Variants in DARS1 observed in about 807,000 individuals in gnomAD.
DARS1 encodes aspartyl-tRNA synthetase 1.
A neutral mutation model predicts 68.8 loss-of-function variants in DARS1; 51 were observed. The observed-to-expected ratio is 0.74, with a 90% confidence interval of 0.59 to 0.94. The LOEUF (loss-of-function observed/expected upper bound fraction) is 0.94, where lower values mean the gene tolerates loss of function less well. DARS1 is among the 40% of genes least tolerant of loss of function. The pLI, the probability that DARS1 is intolerant of heterozygous loss-of-function variation, is 0.00. For synonymous variants in DARS1, 203 were observed against 190.4 expected, an observed-to-expected ratio of 1.07 and a Z score of -0.55; for missense variants, 607 against 597.3, an observed-to-expected ratio of 1.02 and a Z score of -0.17.
chr2:135,908,480 A>T (rs1055038232), intron 15 of DARS1, among the ~76,000 whole-genome samples: 1 of 152,236 alleles, frequency 6.6e-6, no homozygotes, highest in African/African-American at 2.4e-5. Context: ...ATCTGTGAGG[A>T]ATCGCCATAC....
chr2:135,985,191 A>G lies in DARS1; in HGVS notation c.66+212T>C, dbSNP rs78130363. 898 of 737,484 alleles carry G rather than the reference A, an allele frequency of 1.2e-3. 16 individuals carry two copies. In the East Asian group the frequency reaches 0.025, roughly 21 times the overall value. 45.7% of individuals were successfully genotyped at this position (737,484 alleles called of 1,614,324 possible). A position where few individuals can be genotyped will look rare whatever the true frequency, so the allele number is the denominator to read the frequency against. On this transcript the variant is annotated intron_variant, in intron 1 of 15. Coordinates refer to ENST00000264161, the MANE Select transcript of DARS1 (RefSeq NM_001349.4). ...CCCGGGGACACGCTTCTAGTAGGCC[A>G]AACTCCCAGGTGACCCCCGCAAGAA...
At chr2:135,943,304 T>C in intron 5 of DARS1, 74 bp downstream of exon 5, 3 of 1,547,772 alleles carry the variant, frequency 1.9e-6, no homozygotes, top group South Asian at 1.2e-5. Context: ...AGTAAGAACA[T>C]ATAAATTTGA....
At chr2:135,955,579 G>A (rs938208871) in intron 4 of DARS1, among the ~76,000 whole-genome samples, 7 of 145,814 alleles carry the variant, frequency 4.8e-5, no homozygotes, top group Non-Finnish European at 8.9e-5. Flanking sequence ...AAGAAACCAC[G>A]TATTTGCTAA....
chr2:135,907,238 C>A lies in DARS1; in HGVS notation c.*78G>T. On this transcript the variant is annotated 3_prime_UTR_variant, in exon 16 of 16. Transcript: ENST00000264161. ...AGGTTACTGAAAAGAATAAGTGTGG[C>A]TTTCTTTTTTTTTTTTTTTTTTTGA... The A allele has an allele frequency of 1.4e-6, 1 of 724,936 alleles. No homozygotes were observed. 44.9% of individuals were successfully genotyped at this position (724,936 alleles called of 1,614,324 possible). A position where few individuals can be genotyped will look rare whatever the true frequency, so the allele number is the denominator to read the frequency against.
rs186890677 is a variant in DARS1, at chr2:135,944,176, T to G, written c.321-696A>C. Among the ~76,000 whole-genome samples, 3 of 152,280 alleles carry G rather than the reference T, an allele frequency of 2.0e-5. No individual in the cohort carries two copies. In the East Asian group the frequency reaches 5.8e-4, roughly 29 times the overall value. On this transcript the variant is annotated intron_variant, in intron 4 of 15. Coordinates refer to ENST00000264161, the MANE Select transcript of DARS1 (RefSeq NM_001349.4). ...ATACAAAATTTATAAAGTAGCTTAT[T>G]AAACACAATGATTATTTTTTTAATC...
chr2:135,945,714 C>A (rs1045096780), intron 4 of DARS1, among the ~76,000 whole-genome samples: 1 of 152,134 alleles, frequency 6.6e-6, no homozygotes, highest in Non-Finnish European at 1.5e-5. Flanking sequence ...GTTTCCAGGA[C>A]GAAACAACTT....
At chr2:135,923,478 C>T (rs899867558) in intron 8 of DARS1, among the ~76,000 whole-genome samples, 7 of 152,008 alleles carry the variant, frequency 4.6e-5, no homozygotes, top group Non-Finnish European at 5.9e-5. Flanking sequence ...TTAGTACAGA[C>T]GGGGTTTCAT....
intron 10 of DARS1, among the ~76,000 whole-genome samples, chr2:135,917,605 T>C (rs1681032942): frequency 6.6e-6 from 1 of 151,940 alleles, no homozygotes; most frequent in African/African-American, 2.4e-5. Context: ...GCCTCCTGAG[T>C]AGCTGGGACT....
intron 3 of DARS1, among the ~76,000 whole-genome samples, chr2:135,968,234 A>G (rs1456657171): frequency 1.3e-5 from 2 of 152,208 alleles, no homozygotes; most frequent in East Asian, 3.8e-4. Context: ...ACTGCACTCC[A>G]GCCTGGGCAA....
intron 4 of DARS1, among the ~76,000 whole-genome samples, chr2:135,953,216 C>T (rs1681882416): frequency 6.6e-6 from 1 of 152,222 alleles, no homozygotes; most frequent in African/African-American, 2.4e-5. Flanking sequence ...AAGATCTCTT[C>T]TCCCTTGCTG....
rs1467529104 is a variant in DARS1 at position 135,932,840 on chromosome 2, T to C, written c.507A>G (p.Glu169=). The C allele has an allele frequency of 7.4e-6, 9 of 1,213,732 alleles. No individual in the cohort carries two copies. In the African/African-American group the frequency reaches 1.4e-4, roughly 19 times the overall value. 75.2% of individuals were successfully genotyped at this position (1,213,732 alleles called of 1,614,324 possible). A position where few individuals can be genotyped will look rare whatever the true frequency, so the allele number is the denominator to read the frequency against. The change falls in exon 7 of 16, where the codon GAA becomes GAG. Residue 169 remains glutamate (E), a splice_region_variant and synonymous_variant. Coordinates refer to ENST00000264161, the MANE Select transcript of DARS1 (RefSeq NM_001349.4). ...AVRPEAEGEE[E]GRATVNQDTR... ...TATCCTGGTTAACAGTAGCTCTTCC[T>C]TCCTAAAAAAAAAAAAAAAGAAAAG... is the stretch of plus-strand genomic sequence containing the variant.
intron 4 of DARS1, among the ~76,000 whole-genome samples, chr2:135,944,280 G>T (rs188927481): frequency 3.5e-4 from 53 of 152,186 alleles, no homozygotes; most frequent in African/African-American, 1.3e-3. Flanking sequence ...TTACTTTTGT[G>T]TATATTCTTG....
intron 10 of DARS1, among the ~76,000 whole-genome samples, chr2:135,917,726 G>A (rs1466499355): frequency 1.3e-5 from 2 of 151,880 alleles, no homozygotes; most frequent in African/African-American, 2.4e-5. Context: ...CAATCTGCCC[G>A]TCTCGGCCTC....
chr2:135,924,633 GA>G, intron 7 of DARS1, 135 bp from the exon 8 acceptor site: 1 of 1,302,396 alleles, frequency 7.7e-7, no homozygotes, highest in Non-Finnish European at 1.0e-6. Context: ...GAGAGAAGAC[GA>G]AAGGACACGA....
chr2:135,915,533 T>C (rs932281369), intron 11 of DARS1, among the ~76,000 whole-genome samples: 2 of 152,128 alleles, frequency 1.3e-5, no homozygotes, highest in African/African-American at 4.8e-5. Flanking sequence ...ATGATCCTCC[T>C]ACCTTGGCTT....
At chr2:135,976,447 T>G (rs1165204393) in intron 3 of DARS1, among the ~76,000 whole-genome samples, 1 of 152,192 alleles carries the variant, frequency 6.6e-6, no homozygotes, top group East Asian at 1.9e-4. Context: ...AAGAAAGTTT[T>G]AAACCGTTCA....
At chr2:135,979,242 C>T (rs774135292) in intron 3 of DARS1, 32 bp downstream of exon 3, 9 of 937,818 alleles carry the variant, frequency 9.6e-6, no homozygotes, top group South Asian at 5.4e-5. Context: ...GAGTCCTTAC[C>T]GAAAGAGCTT....
intron 7 of DARS1, among the ~76,000 whole-genome samples, chr2:135,926,031 T>A (rs913186278): frequency 2.6e-5 from 4 of 152,134 alleles, no homozygotes; most frequent in African/African-American, 9.6e-5. Flanking sequence ...GCTAGGATTA[T>A]AGGTGCCCGT....
At chr2:135,969,295 TAAAAC>T (rs934351134) in intron 3 of DARS1, among the ~76,000 whole-genome samples, 3 of 151,762 alleles carry the variant, frequency 2.0e-5, no homozygotes, top group Non-Finnish European at 4.4e-5. Flanking sequence ...ACATCCAAAA[TAAAAC>T]AAACTGTGTG....
Sources: gnomAD v4.1 joint callset for allele counts (sites outside exome capture counted in the v4.1 genomes callset) on GRCh38, gnomAD v4.1.1 for gene constraint, MANE v1.5 for transcripts, NCBI Gene and HGNC (gene_info 2026-07-23, HGNC 2026-07-21) for gene names.